FMNL2: variants seen among roughly 807,000 people sequenced by gnomAD.
FMNL2 encodes formin like 2, also known as formin-like protein 2.
In FMNL2, 51 loss-of-function variants were observed where a neutral mutation model predicts 130.2. The observed-to-expected ratio is 0.39, with a 90% CI of 0.31 to 0.49. The LOEUF is 0.49. FMNL2 is among the 20% of genes least tolerant of loss of function. FMNL2 has a pLI of 0.85. For missense variants in FMNL2, 977 were observed against 1,316.2 expected, an observed-to-expected ratio of 0.74 and a Z score of 3.99; for synonymous variants, 465 against 467.1, an observed-to-expected ratio of 1.00 and a Z score of 0.06.
Position 152,636,440 on chromosome 2 carries a change from T to C in FMNL2, c.2694T>C (p.Asn898=). 2.5e-6 allele frequency: 4 copies of C among 1,611,894 alleles called. No individual in the cohort carries two copies. The highest frequency in any genetic ancestry group is 3.4e-6 in the Non-Finnish European group (4 of 1,178,932). The change falls in exon 22 of 26, where the codon AAT becomes AAC. Residue 898 remains asparagine, a synonymous_variant. Transcript: ENST00000288670. ...VEKAAAVSLE[N]VLLDVKELQR... ...TCTCTGCTTTAGTCTCCCTTGAGAA[T>C]GTTTTGCTGGATGTCAAGGAGCTCC...
At chr2:152,391,162 G>A (rs780334528) in intron 1 of FMNL2, among the ~76,000 whole-genome samples, 13 of 152,184 alleles carry the variant, frequency 8.5e-5, no homozygotes, top group South Asian at 2.1e-4. Context: ...ACTGCGTCTT[G>A]GTGAATTGAT....
intron 1 of FMNL2, among the ~76,000 whole-genome samples, chr2:152,508,361 CAG>C (rs1222525793): frequency 6.6e-6 from 1 of 152,154 alleles, no homozygotes; most frequent in Non-Finnish European, 1.5e-5. Flanking sequence ...AATAATCAAA[CAG>C]GGATTCATTT....
rs1019625797 is a variant in FMNL2 at position 152,648,704 on chromosome 2, G to T, written c.*799G>T. ...GAGAACAGAAATTGGTGCCTTGCAAGGAAGTTTACTAGCTCTATCAACAAG... is the reference window on the plus strand; with the variant it reads ...GAGAACAGAAATTGGTGCCTTGCAATGAAGTTTACTAGCTCTATCAACAAG... On this transcript the variant is annotated 3_prime_UTR_variant, in exon 26 of 26. Transcript: ENST00000288670. 1.2e-4 allele frequency: 19 copies of T among 152,630 alleles called. No individual in the cohort carries two copies. Among genetic ancestry groups the T allele is most frequent in the African/African-American group, 4.3e-4 (18 of 41,444 alleles). 9.5% of individuals were successfully genotyped at this position (152,630 alleles called of 1,614,324 possible). A position where few individuals can be genotyped will look rare whatever the true frequency, so the allele number is the denominator to read the frequency against.
chr2:152,439,446 A>C (rs1032937927), intron 1 of FMNL2, among the ~76,000 whole-genome samples: 3 of 152,146 alleles, frequency 2.0e-5, no homozygotes, highest in African/African-American at 7.2e-5. Flanking sequence ...CTTACTTTTA[A>C]GTAATGGATA....
At chr2:152,482,563 G>C (rs4289130) in intron 1 of FMNL2, among the ~76,000 whole-genome samples, 2 of 152,128 alleles carry the variant, frequency 1.3e-5, no homozygotes, top group African/African-American at 4.8e-5. Flanking sequence ...GTGTGCTTAA[G>C]GTTCTAGACT....
At chr2:152,398,073 C>T (rs1685497434) in intron 1 of FMNL2, among the ~76,000 whole-genome samples, 1 of 151,944 alleles carries the variant, frequency 6.6e-6, no homozygotes, top group South Asian at 2.1e-4. Flanking sequence ...TGCAGTGAGC[C>T]GAGATTGAGC....
intron 9 of FMNL2, among the ~76,000 whole-genome samples, chr2:152,594,722 A>T (rs929031412): frequency 6.6e-6 from 1 of 152,094 alleles, no homozygotes; most frequent in Non-Finnish European, 1.5e-5. Flanking sequence ...CCCCTGTCCT[A>T]CCCCAAACTG....
At chr2:152,384,212 G>A (rs938546182) in intron 1 of FMNL2, among the ~76,000 whole-genome samples, 11 of 152,198 alleles carry the variant, frequency 7.2e-5, no homozygotes, top group African/African-American at 2.4e-4. Flanking sequence ...AAAGTTTTGT[G>A]ATAGTGGCAG....
chr2:152,397,924 G>A (rs1197087215), intron 1 of FMNL2, among the ~76,000 whole-genome samples: 1 of 152,180 alleles, frequency 6.6e-6, no homozygotes, highest in Non-Finnish European at 1.5e-5. Context: ...AGGAGTTCAA[G>A]ACCAGCCTGG....
rs117188383 is a variant in FMNL2 at position 152,568,558 on chromosome 2, C to A, written c.597-6578C>A. Among the ~76,000 whole-genome samples, 374 of 152,264 alleles carry A rather than the reference C, an allele frequency of 2.5e-3. 8 individuals are homozygous for A. The highest frequency in any genetic ancestry group is 0.017 in the Admixed American group (258 of 15,298). Reference sequence around the variant, plus strand: ...GCCTGTTGTCACACTGCTATAAGGACATACCCGAGACTGAGTAATTTATAA... The same window carrying A: ...GCCTGTTGTCACACTGCTATAAGGAAATACCCGAGACTGAGTAATTTATAA... On this transcript the variant is annotated intron_variant, in intron 6 of 25. Transcript: ENST00000288670.
intron 10 of FMNL2, among the ~76,000 whole-genome samples, chr2:152,611,110 G>T (rs1476654439): frequency 3.3e-5 from 5 of 152,218 alleles, no homozygotes; most frequent in African/African-American, 1.2e-4. Context: ...GGAGGCCCAG[G>T]CCGGCGGATC....
chr2:152,634,941 C>A (rs1428306778), intron 21 of FMNL2, among the ~76,000 whole-genome samples: 1 of 151,210 alleles, frequency 6.6e-6, no homozygotes, highest in East Asian at 1.9e-4. Flanking sequence ...TTTTTTGATG[C>A]AAGTTTGGCT....
chr2:152,468,916 G>T (rs961087366), intron 1 of FMNL2, among the ~76,000 whole-genome samples: 2 of 152,110 alleles, frequency 1.3e-5, no homozygotes, highest in African/African-American at 4.8e-5. Flanking sequence ...TGTTGAAATT[G>T]GTACTTTAGG....
chr2:152,349,827 C>T (rs1682371263), intron 1 of FMNL2, among the ~76,000 whole-genome samples: 1 of 152,204 alleles, frequency 6.6e-6, no homozygotes, highest in South Asian at 2.1e-4. Flanking sequence ...CACTGCTGGG[C>T]TGCACTTTTC....
intron 4 of FMNL2, among the ~76,000 whole-genome samples, chr2:152,556,750 C>A (rs1196005713): frequency 6.6e-6 from 1 of 152,120 alleles, no homozygotes; most frequent in Non-Finnish European, 1.5e-5. Flanking sequence ...GGTCTGCACT[C>A]TACAGAGGCT....
intron 3 of FMNL2, 67 bp downstream of exon 3, chr2:152,542,886 G>A (rs1192922057): frequency 2.0e-6 from 3 of 1,537,098 alleles, no homozygotes; most frequent in Admixed American, 3.4e-5. Flanking sequence ...CTCCTGCATT[G>A]GAAGAGACCT....
chr2:152,410,474 G>T (rs893712569), intron 1 of FMNL2, among the ~76,000 whole-genome samples: 1 of 152,212 alleles, frequency 6.6e-6, no homozygotes, highest in African/African-American at 2.4e-5. Context: ...CAGAGTTCTT[G>T]CTGAGTCAAT....
intron 9 of FMNL2, among the ~76,000 whole-genome samples, chr2:152,598,163 C>T (rs904597528): frequency 3.9e-5 from 6 of 152,200 alleles, no homozygotes; most frequent in Admixed American, 6.5e-5. Flanking sequence ...GCTCTAGCCA[C>T]GTGCTCTTGC....
chr2:152,503,822 G>A (rs1477294404), intron 1 of FMNL2, among the ~76,000 whole-genome samples: 1 of 152,210 alleles, frequency 6.6e-6, no homozygotes, highest in Non-Finnish European at 1.5e-5. Context: ...GTTAGGACAA[G>A]AGCCAGGATG....
Sources: gnomAD v4.1 joint callset for allele counts (sites outside exome capture counted in the v4.1 genomes callset) on GRCh38, gnomAD v4.1.1 for gene constraint, MANE v1.5 for transcripts, NCBI Gene and HGNC (gene_info 2026-07-23, HGNC 2026-07-21) for gene names.